RNF180: variants seen among roughly 807,000 people sequenced by gnomAD.
RNF180 encodes ring finger protein 180.
In RNF180, 38 loss-of-function variants were observed where a neutral mutation model predicts 59.2. The ratio of observed to expected loss-of-function variants is 0.64; its 90% CI spans 0.50 to 0.84. The LOEUF (loss-of-function observed/expected upper bound fraction) is 0.84. RNF180 is among the 40% of genes least tolerant of loss of function. RNF180 has a pLI of 0.00. For synonymous variants in RNF180, 262 were observed against 240.3 expected (o/e 1.09, Z -0.84); for missense variants, 705 against 700.9 (o/e 1.01, Z -0.07).
intron 1 of RNF180, among the ~76,000 whole-genome samples, chr5:64,192,399 C>T (rs114504777): frequency 0.017 from 2,593 of 152,120 alleles, 29 homozygotes; most frequent in South Asian, 0.032. Context: ...AGTTGCCAGG[C>T]GCAGTGGCTC....
intron 5 of RNF180, among the ~76,000 whole-genome samples, chr5:64,319,971 T>TTA (rs1282481393): frequency 6.6e-6 from 1 of 152,156 alleles, no homozygotes; most frequent in Non-Finnish European, 1.5e-5. Flanking sequence ...GTAGCAGGAA[T>TTA]TATAGGTCAT....
intron 4 of RNF180, 136 bp from the exon 5 acceptor site, chr5:64,217,225 T>G (rs1752676941): frequency 9.5e-7 from 1 of 1,057,450 alleles, no homozygotes; most frequent in Non-Finnish European, 1.2e-6. Flanking sequence ...TATTCCATTG[T>G]ATGAATGATC....
chr5:64,343,909 A>G (rs186329879), intron 7 of RNF180, among the ~76,000 whole-genome samples: 1 of 151,642 alleles, frequency 6.6e-6, no homozygotes, highest in Non-Finnish European at 1.5e-5. Flanking sequence ...AGGAAGGTCT[A>G]CTGGATACCT....
intron 2 of RNF180, among the ~76,000 whole-genome samples, chr5:64,205,270 G>A (rs889607562): frequency 6.6e-6 from 1 of 152,112 alleles, no homozygotes; most frequent in Non-Finnish European, 1.5e-5. Flanking sequence ...GGATATTTGA[G>A]CTTTAGTTAT....
chr5:64,287,202 T>C (rs1255485230), intron 5 of RNF180, among the ~76,000 whole-genome samples: 1 of 152,084 alleles, frequency 6.6e-6, no homozygotes, highest in Admixed American at 6.6e-5. Flanking sequence ...CCTGACCTCA[T>C]GATCCACCCA....
chr5:64,280,286 T>C (rs777651560), intron 5 of RNF180, among the ~76,000 whole-genome samples: 1 of 152,004 alleles, frequency 6.6e-6, no homozygotes, highest in African/African-American at 2.4e-5. Flanking sequence ...CTATTGATTG[T>C]TTTTTTGGCT....
intron 5 of RNF180, among the ~76,000 whole-genome samples, chr5:64,309,220 A>G (rs965656164): frequency 6.6e-6 from 1 of 151,718 alleles, no homozygotes; most frequent in Non-Finnish European, 1.5e-5. Flanking sequence ...GCAGTTATAT[A>G]CCTTCAATGT....
chr5:64,193,911 C>G (rs567037245), intron 1 of RNF180, among the ~76,000 whole-genome samples: 22 of 152,228 alleles, frequency 1.4e-4, no homozygotes, highest in African/African-American at 5.3e-4. Context: ...TATTGGGCAC[C>G]CTTTACCTAC....
intron 5 of RNF180, among the ~76,000 whole-genome samples, chr5:64,237,807 T>TTCTC (rs142219747): frequency 1.3e-5 from 2 of 150,690 alleles, no homozygotes; most frequent in Non-Finnish European, 3.0e-5. Flanking sequence ...TGTCTGGCAC[T>TTCTC]TCTCTCTCTC....
At chr5:64,249,661 A>T (rs1474122218) in intron 5 of RNF180, among the ~76,000 whole-genome samples, 1 of 152,160 alleles carries the variant, frequency 6.6e-6, no homozygotes, top group African/African-American at 2.4e-5. Context: ...ACCAAAAGTG[A>T]GCAGGAGTAG....
intron 2 of RNF180, among the ~76,000 whole-genome samples, chr5:64,204,849 T>C (rs1751935109): frequency 6.6e-6 from 1 of 152,134 alleles, no homozygotes; most frequent in Non-Finnish European, 1.5e-5. Context: ...TATAATCAGC[T>C]TTATGTAGGG....
At chr5:64,311,240 A>G (rs1160582436) in intron 5 of RNF180, among the ~76,000 whole-genome samples, 1 of 152,004 alleles carries the variant, frequency 6.6e-6, no homozygotes, top group Non-Finnish European at 1.5e-5. Flanking sequence ...GCTAGCTGTT[A>G]GCCTGGCTCT....
intron 2 of RNF180, among the ~76,000 whole-genome samples, chr5:64,209,962 A>G (rs898822931): frequency 6.6e-6 from 1 of 152,156 alleles, no homozygotes; most frequent in African/African-American, 2.4e-5. Context: ...CACTTCCAAT[A>G]GGTTTCCCAA....
chr5:64,370,332 A>G lies in RNF180; in HGVS notation c.*518A>G, dbSNP rs996136768. ...ATTGTCACTACTTATATCCCTTTCTAGTACCAAGAAAACTGACTATTCTTT... is the reference window on the plus strand; with the variant it reads ...ATTGTCACTACTTATATCCCTTTCTGGTACCAAGAAAACTGACTATTCTTT... On this transcript the variant is annotated 3_prime_UTR_variant, in exon 8 of 8. Coordinates refer to ENST00000389100, the MANE Select transcript of RNF180 (RefSeq NM_001113561.2). 6.6e-6 allele frequency: 1 copy of G among 151,932 alleles called. No homozygotes were observed. The highest frequency in any genetic ancestry group is 2.4e-5 in the African/African-American group (1 of 41,406). 9.4% of individuals were successfully genotyped at this position (151,932 alleles called of 1,614,324 possible). A position where few individuals can be genotyped will look rare whatever the true frequency, so the allele number is the denominator to read the frequency against.
chr5:64,336,535 A>G (rs1381466183), intron 7 of RNF180, among the ~76,000 whole-genome samples: 1 of 152,226 alleles, frequency 6.6e-6, no homozygotes, highest in African/African-American at 2.4e-5. Flanking sequence ...GCTTGACTAA[A>G]TATTGCCAAC....
Position 64,225,428 on chromosome 5 carries a change from A to G in RNF180, c.1227+8032A>G, listed in dbSNP as rs181391749. ...GCCGCCCATCGTCTGGGATGTGAGG[A>G]GCGCCTCTGCCCAGCCGGCCATCGT... On this transcript the variant is annotated intron_variant, in intron 5 of 7. Coordinates refer to ENST00000389100, the MANE Select transcript of RNF180 (RefSeq NM_001113561.2). 8.7e-3 allele frequency among the ~76,000 whole-genome samples: 1,208 copies of G among 139,184 alleles called. 17 individuals are homozygous for G. Among genetic ancestry groups the G allele is most frequent in the African/African-American group, 0.03 (1,084 of 36,640 alleles). The allele number at this position is 139,184 out of a possible 152,430, so 91.3% of individuals were successfully genotyped here. A position where few individuals can be genotyped will look rare whatever the true frequency, so the allele number is the denominator to read the frequency against.
chr5:64,341,609 A>C (rs1291633195), intron 7 of RNF180, among the ~76,000 whole-genome samples: 7 of 152,232 alleles, frequency 4.6e-5, no homozygotes, highest in Admixed American at 2.6e-4. Flanking sequence ...TGTAGGCCTT[A>C]AGTGAGATGA....
intron 5 of RNF180, among the ~76,000 whole-genome samples, chr5:64,244,032 A>T (rs1742994679): frequency 2.0e-5 from 3 of 152,244 alleles, no homozygotes. Context: ...ACAAGCAGAC[A>T]GGAACAGCAT....
chr5:64,215,545 T>C (rs1752575421), intron 4 of RNF180, among the ~76,000 whole-genome samples: 1 of 152,146 alleles, frequency 6.6e-6, no homozygotes, highest in African/African-American at 2.4e-5. Flanking sequence ...AAAACGCATT[T>C]CAGTTTGGTT....
Sources: allele counts gnomAD v4.1 joint callset (sites outside exome capture counted in the v4.1 genomes callset), GRCh38; gene constraint gnomAD v4.1.1; transcripts MANE v1.5; gene names NCBI Gene and HGNC (gene_info 2026-07-23, HGNC 2026-07-21).